Variants in ADARB2 observed in about 807,000 individuals in gnomAD.
The protein encoded by ADARB2 is inactive double-stranded RNA-specific editase B2.
Under a neutral mutation model 62.2 loss-of-function variants are expected in ADARB2, and 25 were observed. The ratio of observed to expected loss-of-function variants is 0.40; its 90% CI spans 0.29 to 0.56. The LOEUF is 0.56. Ranked by LOEUF, ADARB2 falls within the 20% of genes least tolerant of loss-of-function variation. The probability of loss-of-function intolerance (pLI) is 0.43; values close to 1 mark genes in which losing one functional copy is unlikely to be tolerated. For synonymous variants in ADARB2, 572 were observed against 500.8 expected (o/e 1.14, Z -1.90); for missense variants, 1,071 against 1,077.4 (o/e 0.99, Z 0.08).
chr10:1,564,140 A>G (rs1243049921), intron 1 of ADARB2, among the ~76,000 whole-genome samples: 1 of 152,176 alleles, frequency 6.6e-6, no homozygotes, highest in Non-Finnish European at 1.5e-5. Context: ...CATTGGGTAT[A>G]TACCCAGTAA....
At chr10:1,726,832 TGAGACCTCAGGG>T (rs1001552945) in intron 1 of ADARB2, among the ~76,000 whole-genome samples, 2 of 151,920 alleles carry the variant, frequency 1.3e-5, no homozygotes, top group Non-Finnish European at 2.9e-5. Context: ...TGCATCCCAG[TGAGACCTCAGGG>T]GCTCACGCTG....
intron 1 of ADARB2, among the ~76,000 whole-genome samples, chr10:1,729,031 G>A (rs759474497): frequency 4.6e-5 from 7 of 152,152 alleles, no homozygotes; most frequent in African/African-American, 7.2e-5. Flanking sequence ...ATAGAATTCT[G>A]AGAATTTTCA....
chr10:1,696,468 GATA>G (rs1322719101), intron 1 of ADARB2, among the ~76,000 whole-genome samples: 3 of 152,174 alleles, frequency 2.0e-5, no homozygotes, highest in Admixed American at 6.5e-5. Context: ...CTTTGGTAGT[GATA>G]ATATTTATGC....
At chr10:1,266,438 A>G (rs1161669857) in intron 4 of ADARB2, among the ~76,000 whole-genome samples, 1 of 144,280 alleles carries the variant, frequency 6.9e-6, no homozygotes, top group East Asian at 2.1e-4. Context: ...CCCACCCTAC[A>G]GGGAGGAAAG....
At chr10:1,396,245 G>A (rs1341900961) in intron 1 of ADARB2, among the ~76,000 whole-genome samples, 2 of 152,016 alleles carry the variant, frequency 1.3e-5, no homozygotes, top group Non-Finnish European at 2.9e-5. Context: ...CTCCTCGTGC[G>A]ACTCTCTCCA....
In ADARB2 at chr10:1,468,127, C is replaced by T. The variant is rs558901753; in HGVS notation, c.101-88967G>A. Among the ~76,000 whole-genome samples the T allele has an allele frequency of 3.9e-5, 6 of 152,248 alleles. No homozygotes were observed. The South Asian group carries it at 1.0e-3, about 26-fold the overall frequency. On this transcript the variant is annotated intron_variant, in intron 1 of 9. Coordinates refer to ENST00000381312, the MANE Select transcript of ADARB2 (RefSeq NM_018702.4). ...CAACCTGTCCTTATTTTCTGTGTTT[C>T]TCCCCTAAAATAATATTATTACTTA...
intron 1 of ADARB2, among the ~76,000 whole-genome samples, chr10:1,577,356 AC>A (rs1833036363): frequency 6.6e-6 from 1 of 150,542 alleles, no homozygotes; most frequent in African/African-American, 2.5e-5. Context: ...CCTCATGCAC[AC>A]AGGAGGTGGA....
Position 1,442,732 on chromosome 10 carries a change from A to T in ADARB2, c.101-63572T>A, listed in dbSNP as rs1035756111. Reference sequence around the variant, plus strand: ...ACTGTATATGGTAAAAGCACAGAAGATAGAAAAGTTCAGTTTAACACTTTG... The same window carrying T: ...ACTGTATATGGTAAAAGCACAGAAGTTAGAAAAGTTCAGTTTAACACTTTG... On this transcript the variant is annotated intron_variant, in intron 1 of 9. Coordinates refer to ENST00000381312, the MANE Select transcript of ADARB2 (RefSeq NM_018702.4). Among the ~76,000 whole-genome samples the T allele has an allele frequency of 2.6e-5, 4 of 152,276 alleles. No individual in the cohort carries two copies. The East Asian group carries it at 7.7e-4, about 29-fold the overall frequency.
chr10:1,714,975 T>C (rs1263668682), intron 1 of ADARB2, among the ~76,000 whole-genome samples: 1 of 151,776 alleles, frequency 6.6e-6, no homozygotes, highest in Admixed American at 6.6e-5. Context: ...TAGCATTAGG[T>C]ATATCTCCTA....
intron 6 of ADARB2, among the ~76,000 whole-genome samples, chr10:1,223,982 A>G: frequency 6.6e-6 from 1 of 152,214 alleles, no homozygotes; most frequent in Non-Finnish European, 1.5e-5. Flanking sequence ...TGATTGGAAT[A>G]GTTTCAGAAG....
Position 1,419,563 on chromosome 10 carries a change from G to A in ADARB2, c.101-40403C>T, listed in dbSNP as rs541018256. On this transcript the variant is annotated intron_variant, in intron 1 of 9. Transcript: ENST00000381312. Reference sequence around the variant, plus strand: ...TATGGAGGGCACAGCCTCACTGGGCGGAACCGGTACCCAGAGGGACGGTAA... The same window carrying A: ...TATGGAGGGCACAGCCTCACTGGGCAGAACCGGTACCCAGAGGGACGGTAA... 4.1e-4 allele frequency among the ~76,000 whole-genome samples: 63 copies of A among 152,306 alleles called. 2 individuals carry two copies. The South Asian group carries it at 0.011, about 28-fold the overall frequency.
intron 1 of ADARB2, among the ~76,000 whole-genome samples, chr10:1,527,742 C>G (rs1832167522): frequency 6.6e-6 from 1 of 152,116 alleles, no homozygotes; most frequent in Non-Finnish European, 1.5e-5. Flanking sequence ...CGTTTGATCA[C>G]ACATCTCATC....
intron 4 of ADARB2, among the ~76,000 whole-genome samples, chr10:1,247,913 G>A (rs953174888): frequency 3.3e-5 from 5 of 152,064 alleles, no homozygotes; most frequent in Admixed American, 6.5e-5. Context: ...CTCCTTTTTC[G>A]GTGCTCTGGT....
chr10:1,313,523 A>G lies in ADARB2; in HGVS notation c.1078-42454T>C, dbSNP rs140718911. Among the ~76,000 whole-genome samples, 490 of 152,264 alleles carry G rather than the reference A, an allele frequency of 3.2e-3. 2 individuals carry two copies. Among genetic ancestry groups the G allele is most frequent in the African/African-American group, 0.011 (470 of 41,574 alleles). Reference sequence around the variant, plus strand: ...CAAGTGTGGGCCAATTGTAGTGACAAGAGTCCCTGCTCACAGAAAGCACCA... The same window carrying G: ...CAAGTGTGGGCCAATTGTAGTGACAGGAGTCCCTGCTCACAGAAAGCACCA... On this transcript the variant is annotated intron_variant, in intron 3 of 9. Coordinates refer to ENST00000381312, the MANE Select transcript of ADARB2 (RefSeq NM_018702.4).
chr10:1,543,855 C>A (rs1832475602), intron 1 of ADARB2, among the ~76,000 whole-genome samples: 1 of 152,154 alleles, frequency 6.6e-6, no homozygotes, highest in Admixed American at 6.5e-5. Flanking sequence ...TGACGTGAGG[C>A]AGCTCTGGCC....
chr10:1,559,643 G>A (rs1006781345), intron 1 of ADARB2, among the ~76,000 whole-genome samples: 3 of 152,208 alleles, frequency 2.0e-5, no homozygotes, highest in Non-Finnish European at 2.9e-5. Context: ...TGAGGTCAGC[G>A]GTGGAGGAAC....
At chr10:1,663,663 A>G (rs4880905) in intron 1 of ADARB2, among the ~76,000 whole-genome samples, 83,138 of 151,290 alleles carry the variant, frequency 0.55, 23,872 homozygotes, top group East Asian at 0.76. Flanking sequence ...TCTGTCACCC[A>G]GGCTAGAGTG....
intron 5 of ADARB2, among the ~76,000 whole-genome samples, chr10:1,234,121 T>A (rs890552566): frequency 1.3e-5 from 2 of 151,992 alleles, no homozygotes; most frequent in Non-Finnish European, 1.5e-5. Flanking sequence ...CCCGAGTAGC[T>A]GGGATTACAG....
At chr10:1,341,459 C>A (rs1375668084) in intron 3 of ADARB2, among the ~76,000 whole-genome samples, 1 of 145,224 alleles carries the variant, frequency 6.9e-6, no homozygotes, top group Non-Finnish European at 1.5e-5. Flanking sequence ...CCGGCATCCA[C>A]CAGAGAACCA....
Sources: allele counts gnomAD v4.1 joint callset (sites outside exome capture counted in the v4.1 genomes callset), GRCh38; gene constraint gnomAD v4.1.1; transcripts MANE v1.5; gene names NCBI Gene and HGNC (gene_info 2026-07-23, HGNC 2026-07-21).